Variants in PLA2G4F observed in about 807,000 individuals in gnomAD.
PLA2G4F encodes cytosolic phospholipase A2 zeta.
A neutral mutation model predicts 103.1 loss-of-function variants in PLA2G4F; 105 were observed. That is an observed-to-expected ratio of 1.02 (90% CI 0.87 to 1.20). The LOEUF is 1.20. PLA2G4F is among the 50% of genes most tolerant of loss of function. The pLI, the probability that PLA2G4F is intolerant of heterozygous loss-of-function variation, is 0.00. For synonymous variants in PLA2G4F, 468 were observed against 441.1 expected, an observed-to-expected ratio of 1.06 and a Z score of -0.76; for missense variants, 1,155 against 1,075.9, an observed-to-expected ratio of 1.07 and a Z score of -1.03.
intron 11 of PLA2G4F, chr15:42,149,213 G>C (rs2048926729): frequency 2.1e-6 from 2 of 956,240 alleles, no homozygotes; most frequent in Admixed American, 1.2e-4. Context: ...GACAGTATTT[G>C]GAAACAGGGC....
intron 7 of PLA2G4F, among the ~76,000 whole-genome samples, chr15:42,152,094 C>T (rs146454466): frequency 3.6e-4 from 55 of 152,356 alleles, no homozygotes; most frequent in African/African-American, 1.3e-3. Flanking sequence ...TCCTCTGTGG[C>T]ACTGGGTTTG....
rs1244542153 is a variant in PLA2G4F at position 42,152,721 on chromosome 15, G to A, written c.568C>T (p.Arg190Trp). The change falls in exon 7 of 20, where the codon CGG (arginine) becomes TGG (tryptophan). Residue 190 changes from arginine to tryptophan, a missense_variant. Arg to Trp is a moderately radical substitution (Grantham distance 101, BLOSUM62 -3). This residue lies in a region of PLA2G4F where 370 missense variants were observed against 364.9 expected (regional missense o/e 1.01). Transcript: ENST00000397272. ...HPCLRIQGTL[R>W]GDGTAPREEY... Reference sequence around the variant, plus strand: ...TCCCGTGGGGCTGTCCCATCTCCCCGGAGCGTGCCCTGGATTCTCAGACAG... The same window carrying A: ...TCCCGTGGGGCTGTCCCATCTCCCCAGAGCGTGCCCTGGATTCTCAGACAG... 7 of 1,558,070 alleles carry A rather than the reference G, an allele frequency of 4.5e-6. No individual in the cohort carries two copies. Among genetic ancestry groups the A allele is most frequent in the East Asian group, 2.4e-5 (1 of 41,582 alleles).
Position 42,145,699 on chromosome 15 carries a change from G to A in PLA2G4F, c.1673-17C>T, listed in dbSNP as rs1566878452. The A allele has an allele frequency of 1.2e-5, 20 of 1,613,692 alleles. No individual in the cohort carries two copies. Among genetic ancestry groups the A allele is most frequent in the East Asian group, 4.5e-5 (2 of 44,874 alleles). The stretch of plus-strand genomic sequence containing the variant: ...CCCACATACCTAAGGAGACAGGCAG[G>A]CCCCCACCCCACGTCAGGGCCTGGC... On this transcript the variant is annotated splice_polypyrimidine_tract_variant and intron_variant, in intron 15 of 19. Transcript: ENST00000397272.
intron 2 of PLA2G4F, among the ~76,000 whole-genome samples, chr15:42,155,234 C>T (rs993059974): frequency 2.0e-5 from 3 of 152,008 alleles, no homozygotes; most frequent in African/African-American, 4.8e-5. Flanking sequence ...CACTTGCACG[C>T]ATGTATATAC....
chr15:42,147,027 G>A (rs1488746710), intron 13 of PLA2G4F, 97 bp downstream of exon 13: 1 of 1,230,754 alleles, frequency 8.1e-7, no homozygotes, highest in Non-Finnish European at 1.1e-6. Flanking sequence ...GAACAGCTTT[G>A]TAAATCAGAT....
At chr15:42,153,525 T>C in intron 5 of PLA2G4F, 95 bp downstream of exon 5, 1 of 1,553,324 alleles carries the variant, frequency 6.4e-7, no homozygotes, top group Non-Finnish European at 8.8e-7. Flanking sequence ...AGGCCAGGCC[T>C]CCAAGGCCAG....
At chr15:42,155,364 G>T (rs771427573) in intron 2 of PLA2G4F, among the ~76,000 whole-genome samples, 153 bp downstream of exon 2, 1 of 152,058 alleles carries the variant, frequency 6.6e-6, no homozygotes, top group Non-Finnish European at 1.5e-5. Context: ...ATGCCTACAC[G>T]TATACTCACA....
chr15:42,141,926 G>A lies in PLA2G4F; in HGVS notation c.*58C>T. 6.6e-7 allele frequency: 1 copy of A among 1,516,380 alleles called. No individual in the cohort carries two copies. The highest frequency in any genetic ancestry group is 9.1e-7 in the Non-Finnish European group (1 of 1,103,026). The allele number at this position is 1,516,380 out of a possible 1,614,324, so 93.9% of individuals were successfully genotyped here. On this transcript the variant is annotated 3_prime_UTR_variant, in exon 20 of 20. Transcript: ENST00000397272. ...GTCCCCATCGCTCCTCCCTCTACAA[G>A]CCCTGACCATGAGCAGTGTGTCTCC...
intron 2 of PLA2G4F, 30 bp downstream of exon 2, chr15:42,155,487 A>G: frequency 1.2e-6 from 2 of 1,611,238 alleles, no homozygotes; most frequent in Non-Finnish European, 1.7e-6. Context: ...GGGAAAGGAC[A>G]GAGAGAAGGA....
Position 42,144,152 on chromosome 15 carries a change from G to C in PLA2G4F, c.1976-8C>G. ...AGGCGTCCGGGTGTGTGTCTGCAAG[G>C]AACCCATGTGTACGCACAGGGACGA... On this transcript the variant is annotated splice_polypyrimidine_tract_variant and splice_region_variant and intron_variant, in intron 17 of 19. Transcript: ENST00000397272. The C allele has an allele frequency of 6.2e-7, 1 of 1,602,074 alleles. No homozygotes were observed. The highest frequency in any genetic ancestry group is 1.1e-5 in the South Asian group (1 of 89,218).
In PLA2G4F at chr15:42,142,591, G is replaced by C. The variant is rs531064894; in HGVS notation, c.2266C>G (p.Arg756Gly). 8 of 1,614,074 alleles carry C rather than the reference G, an allele frequency of 5.0e-6. No homozygotes were observed. Among genetic ancestry groups the C allele is most frequent in the Non-Finnish European group, 6.8e-6 (8 of 1,179,998 alleles). ...CYLFAKAEDP[R>G]SPIVLHFPLV... ...GGGAAGTGCAGCACAATGGGGGAGC[G>C]GGGGTCCTCAGCCTTGGCAAACAGA... Residue 756 changes from arginine (R) to glycine (G), a missense_variant, in exon 19 of 20, where the codon CGC (arginine) becomes GGC (glycine). By Grantham distance (125) the Arg-to-Gly change is moderately radical. This residue lies in a region of PLA2G4F where 782 missense variants were observed against 692.9 expected (regional missense o/e 1.13). Transcript: ENST00000397272.
At position 42,144,139 on chromosome 15, in the gene PLA2G4F, G is replaced by A. The variant is rs756790132; in HGVS notation, c.1981C>T (p.His661Tyr). The A allele has an allele frequency of 1.7e-5, 28 of 1,608,206 alleles. No individual in the cohort carries two copies. The highest frequency in any genetic ancestry group is 2.2e-5 in the Non-Finnish European group (26 of 1,177,646). The part of the protein sequence containing the change: ...GREFVAWKDT[H>Y]PDAFPNQLTP... ...AGCTGGTTGGGGAAGGCGTCCGGGT[G>A]TGTGTCTGCAAGGAACCCATGTGTA... is the stretch of plus-strand genomic sequence containing the variant. Residue 661 changes from histidine to tyrosine, a missense_variant, in exon 18 of 20, where the codon CAC becomes TAC. This residue lies in a region of PLA2G4F where 782 missense variants were observed against 692.9 expected (regional missense o/e 1.13). Coordinates refer to ENST00000397272, the MANE Select transcript of PLA2G4F (RefSeq NM_213600.4).
chr15:42,155,638 C>A, intron 1 of PLA2G4F, 49 bp from the exon 2 acceptor site: 1 of 1,566,080 alleles, frequency 6.4e-7, no homozygotes, highest in South Asian at 1.1e-5. Flanking sequence ...TGAGCCTGGT[C>A]CCTCGCCCCA....
At chr15:42,154,295 G>A (rs760338516) in intron 3 of PLA2G4F, 27 bp downstream of exon 3, 35 of 1,608,364 alleles carry the variant, frequency 2.2e-5, no homozygotes, top group Middle Eastern at 1.6e-4. Flanking sequence ...TTCCCCTCCC[G>A]CAGCCTGGCC....
rs1035755565 is a variant in PLA2G4F, at chr15:42,154,582, T to C, written c.185-124A>G. 9 of 1,149,546 alleles carry C rather than the reference T, an allele frequency of 7.8e-6. No homozygotes were observed. In the African/African-American group the frequency reaches 1.2e-4, roughly 16 times the overall value. 71.2% of individuals were successfully genotyped at this position (1,149,546 alleles called of 1,614,324 possible). A position where few individuals can be genotyped will look rare whatever the true frequency, so the allele number is the denominator to read the frequency against. ...AGGGGAAGCCGCCCACGTGGCATGG[T>C]GGGGTGAGGAGGTGGAGGGAGAGCC... is the stretch of plus-strand genomic sequence containing the variant. On this transcript the variant is annotated intron_variant, in intron 2 of 19. Transcript: ENST00000397272.
chr15:42,146,887 C>G (rs58179171), intron 13 of PLA2G4F: 16,792 of 505,614 alleles, frequency 0.033, 801 homozygotes, highest in African/African-American at 0.11. Context: ...GCCGGTGATT[C>G]TAATATGCAC....
At chr15:42,147,436 C>T (rs894083543) in intron 12 of PLA2G4F, 90 bp from the exon 13 acceptor site, 44 of 1,404,646 alleles carry the variant, frequency 3.1e-5, no homozygotes, top group Middle Eastern at 5.0e-4. Context: ...CCTCCACCCC[C>T]ACCACTTGCA....
intron 7 of PLA2G4F, among the ~76,000 whole-genome samples, chr15:42,151,888 C>CT (rs1566881437): frequency 6.6e-6 from 1 of 152,184 alleles, no homozygotes; most frequent in Non-Finnish European, 1.5e-5. Flanking sequence ...CTGATTGTGC[C>CT]TGCTTTACAG....
At chr15:42,149,274 A>T (rs1036339254) in intron 11 of PLA2G4F, 55 of 714,154 alleles carry the variant, frequency 7.7e-5, no homozygotes, top group Non-Finnish European at 9.1e-5. Context: ...CCTTCAACTG[A>T]TAGGACTGGG....
Sources: gnomAD v4.1 joint callset for allele counts (sites outside exome capture counted in the v4.1 genomes callset) on GRCh38, gnomAD v4.1.1 for gene constraint, gnomAD v4.1.1 regional missense constraint, MANE v1.5 for transcripts, NCBI Gene and HGNC (gene_info 2026-07-23, HGNC 2026-07-21) for gene names.